SRPK2: variants seen among roughly 807,000 people sequenced by gnomAD.
SRPK2 encodes the protein SRSF protein kinase 2, also known as SFRS protein kinase 2.
In SRPK2, 21 loss-of-function variants were observed where a neutral mutation model predicts 90.8. That is an observed-to-expected ratio of 0.23 (90% CI 0.16 to 0.33). The LOEUF is 0.33. SRPK2 is among the 10% of genes least tolerant of loss of function. SRPK2 has a pLI of 1.00. For missense variants in SRPK2, 620 were observed against 869.0 expected, an observed-to-expected ratio of 0.71 and a Z score of 3.60; for synonymous variants, 288 against 311.1, an observed-to-expected ratio of 0.93 and a Z score of 0.78.
At chr7:105,298,897 G>A in intron 2 of SRPK2, 1 of 549,190 alleles carries the variant, frequency 1.8e-6, no homozygotes, top group Middle Eastern at 9.3e-4. Flanking sequence ...CTCATACTCT[G>A]TTCAGCTCAG....
chr7:105,293,638 T>C (rs1420819033), intron 2 of SRPK2, among the ~76,000 whole-genome samples: 1 of 152,044 alleles, frequency 6.6e-6, no homozygotes, highest in African/African-American at 2.4e-5. Flanking sequence ...CAGGCTGGTC[T>C]CAAACTCCTG....
At chr7:105,269,580 G>T (rs920464464) in intron 2 of SRPK2, among the ~76,000 whole-genome samples, 1 of 152,086 alleles carries the variant, frequency 6.6e-6, no homozygotes, top group African/African-American at 2.4e-5. Flanking sequence ...TTTAGGAAAG[G>T]ATTGACAATA....
chr7:105,160,959 T>G (rs1020723825), intron 6 of SRPK2, among the ~76,000 whole-genome samples: 9 of 152,182 alleles, frequency 5.9e-5, no homozygotes, highest in Admixed American at 5.9e-4. Flanking sequence ...AGACGGAGTC[T>G]TGCTCTGTCG....
At chr7:105,137,150 G>A (rs1045615141) in intron 11 of SRPK2, among the ~76,000 whole-genome samples, 1 of 152,198 alleles carries the variant, frequency 6.6e-6, no homozygotes, top group Non-Finnish European at 1.5e-5. Flanking sequence ...GACACGGGAA[G>A]TACAAAAATC....
intron 2 of SRPK2, among the ~76,000 whole-genome samples, chr7:105,372,466 T>C (rs1819814495): frequency 6.6e-6 from 1 of 152,168 alleles, no homozygotes; most frequent in South Asian, 2.1e-4. Flanking sequence ...AGGGCTGCCT[T>C]ATACTGAGCT....
chr7:105,308,220 A>G (rs1025888817), intron 2 of SRPK2, among the ~76,000 whole-genome samples: 19 of 152,182 alleles, frequency 1.2e-4, no homozygotes, highest in African/African-American at 4.6e-4. Flanking sequence ...ACAAACTCTG[A>G]CCTTATTTTG....
chr7:105,203,560 C>T, intron 3 of SRPK2, 68 bp downstream of exon 3: 3 of 1,388,248 alleles, frequency 2.2e-6, no homozygotes, highest in Non-Finnish European at 2.8e-6. Flanking sequence ...CTTGTCCATT[C>T]CCCCAACAAA....
At chr7:105,389,023 G>C (rs1411782796), upstream of SRPK2, 34 of 973,186 alleles carry the variant, frequency 3.5e-5, no homozygotes, top group Non-Finnish European at 3.6e-5. Flanking sequence ...CGGGGGTCGG[G>C]ACCCCAGCGC....
intron 3 of SRPK2, among the ~76,000 whole-genome samples, chr7:105,197,406 G>C (rs1795047735): frequency 6.6e-6 from 1 of 152,154 alleles, no homozygotes; most frequent in Admixed American, 6.5e-5. Context: ...ATGATTTTAA[G>C]AAAACGTGAG....
At chr7:105,356,188 G>A (rs1472633759) in intron 2 of SRPK2, among the ~76,000 whole-genome samples, 1 of 152,072 alleles carries the variant, frequency 6.6e-6, no homozygotes, top group Non-Finnish European at 1.5e-5. Context: ...CCTCTCCATT[G>A]AAGCTTATAG....
intron 2 of SRPK2, among the ~76,000 whole-genome samples, chr7:105,295,695 G>T (rs898786055): frequency 6.6e-6 from 1 of 152,104 alleles, no homozygotes; most frequent in African/African-American, 2.4e-5. Flanking sequence ...CAGTGGTCAC[G>T]GTTACAAAAC....
chr7:105,223,301 G>A (rs556248502), intron 2 of SRPK2, among the ~76,000 whole-genome samples: 2 of 152,232 alleles, frequency 1.3e-5, no homozygotes, highest in Admixed American at 6.5e-5. Flanking sequence ...GGCCTCCAAA[G>A]AGGCTCCTAA....
At chr7:105,203,322 T>TA (rs1795794022) in intron 3 of SRPK2, among the ~76,000 whole-genome samples, 1 of 152,182 alleles carries the variant, frequency 6.6e-6, no homozygotes. Context: ...TTATGTCCTC[T>TA]AACTGTCCTG....
intron 2 of SRPK2, among the ~76,000 whole-genome samples, chr7:105,250,947 G>A (rs1462172445): frequency 1.3e-5 from 2 of 152,180 alleles, no homozygotes; most frequent in Admixed American, 1.3e-4. Flanking sequence ...CTGCCAAGCA[G>A]AGCCTAAGCT....
intron 2 of SRPK2, among the ~76,000 whole-genome samples, chr7:105,291,587 G>A (rs771920332): frequency 2.6e-5 from 4 of 152,058 alleles, no homozygotes; most frequent in African/African-American, 4.8e-5. Flanking sequence ...AAAATTAGCC[G>A]GGCATGGTGG....
In SRPK2 at chr7:105,388,768, AGGGCGCGCCGCG is replaced by A; in HGVS notation, c.16+11_16+22del. On this transcript the variant is annotated intron_variant, in intron 1 of 15. Transcript: ENST00000393651. ...CCCGGGCTGGCCGCGTGGCGGGGAG[AGGGCGCGCCGCG>A]GGCCACTCACCTTTCCGGGAGCTCA... The A allele has an allele frequency of 6.6e-7, 1 of 1,522,412 alleles. No homozygotes were observed. The highest frequency in any genetic ancestry group is 8.8e-7 in the Non-Finnish European group (1 of 1,134,848). The allele number at this position is 1,522,412 out of a possible 1,614,324, so 94.3% of individuals were successfully genotyped here.
chr7:105,380,521 AT>A (rs35323315), intron 2 of SRPK2, among the ~76,000 whole-genome samples: 65,900 of 107,194 alleles, frequency 0.61, 19,682 homozygotes, highest in Non-Finnish European at 0.75. Context: ...ACATGCTAAA[AT>A]TTTTTTTTTT....
intron 2 of SRPK2, among the ~76,000 whole-genome samples, chr7:105,216,026 C>A (rs1191528723): frequency 1.4e-5 from 2 of 147,840 alleles, no homozygotes; most frequent in African/African-American, 5.1e-5. Flanking sequence ...TGTAAATAGC[C>A]ACTGCACTCC....
rs148249753 is a variant in SRPK2, at chr7:105,361,534, A to C, written c.71+27114T>G. On this transcript the variant is annotated intron_variant, in intron 2 of 15. Coordinates refer to ENST00000393651, the MANE Select transcript of SRPK2 (RefSeq NM_182692.3). The stretch of plus-strand genomic sequence containing the variant: ...ACTGCCAAGACAATCCTAAGCAAAA[A>C]GAATAAAACTGGAGGCATCATGCTA... Among the ~76,000 whole-genome samples the C allele has an allele frequency of 1.9e-3, 283 of 152,352 alleles. 1 individual carries two copies. The highest frequency in any genetic ancestry group is 6.6e-3 in the African/African-American group (273 of 41,590).
Sources: gnomAD v4.1 joint callset for allele counts (sites outside exome capture counted in the v4.1 genomes callset) on GRCh38, gnomAD v4.1.1 for gene constraint, MANE v1.5 for transcripts, NCBI Gene and HGNC (gene_info 2026-07-23, HGNC 2026-07-21) for gene names.